TEX26: variants seen among roughly 807,000 people sequenced by gnomAD.
TEX26 encodes testis expressed 26.
TEX26 carries 34 observed loss-of-function variants against 35.3 expected under a neutral mutation model. That is an observed-to-expected ratio of 0.96 (90% CI 0.73 to 1.28). The LOEUF is 1.28. Ranked by LOEUF, TEX26 falls within the 50% of genes most tolerant of loss-of-function variation. TEX26 has a pLI of 0.00. For missense variants in TEX26, 371 were observed against 330.1 expected, an observed-to-expected ratio of 1.12 and a Z score of -0.96; for synonymous variants, 136 against 111.8, an observed-to-expected ratio of 1.22 and a Z score of -1.36.
chr13:30,952,727 T>C lies in TEX26; in HGVS notation c.214T>C (p.Tyr72His), dbSNP rs937008436. The change falls in exon 3 of 7, where the codon TAT becomes CAT. Residue 72 changes from tyrosine to histidine, a missense_variant. Coordinates refer to ENST00000380473, the MANE Select transcript of TEX26 (RefSeq NM_152325.3). ...LSDPILNQTQ[Y>H]SDEYTWKSHS... ...TGATCCTATTCTCAATCAGACACAATATAGTGATGAGTACACTTGGAAATC... is the reference window on the plus strand; with the variant it reads ...TGATCCTATTCTCAATCAGACACAACATAGTGATGAGTACACTTGGAAATC... 2 of 1,612,682 alleles carry C rather than the reference T, an allele frequency of 1.2e-6. No homozygotes were observed. Among genetic ancestry groups the C allele is most frequent in the Non-Finnish European group, 8.5e-7 (1 of 1,179,286 alleles).
chr13:30,974,131 A>AAATATAT, intron 6 of TEX26, among the ~76,000 whole-genome samples: 1,449 of 84,344 alleles, frequency 0.017, 18 homozygotes, highest in Non-Finnish European at 0.025. Flanking sequence ...AAAAAAAAAA[A>AAATATAT]ATATATATAT....
rs772357208 is a variant in TEX26 at position 30,966,290 on chromosome 13, A to C, written c.538A>C (p.Thr180Pro). The change falls in exon 5 of 7, where the codon ACT becomes CCT. Residue 180 changes from threonine (T) to proline (P), a missense_variant. Physicochemically the swap from Thr to Pro is conservative, Grantham distance 38 (BLOSUM62 -1). Transcript: ENST00000380473. The stretch of plus-strand genomic sequence containing the variant: ...AAAGTTACTTCCCCAACCTCCAGAC[A>C]CTGAATTCCGAAGGAATTACCAAAT... ...WKKLLPQPPD[T>P]EFRRNYQIPA... 44 of 1,614,080 alleles carry C rather than the reference A, an allele frequency of 2.7e-5. 1 individual carries two copies. The highest frequency in any genetic ancestry group is 2.9e-5 in the Non-Finnish European group (34 of 1,180,028).
At chr13:30,953,256 T>TATTTTAC (rs1156352015) in intron 3 of TEX26, among the ~76,000 whole-genome samples, 1 of 152,326 alleles carries the variant, frequency 6.6e-6, no homozygotes, top group East Asian at 1.9e-4. Context: ...CTTTTGTGGA[T>TATTTTAC]ATTTTACATG....
At position 30,975,252 on chromosome 13, in the gene TEX26, A is replaced by G. The variant is rs1247017990; in HGVS notation, c.*345A>G. The stretch of plus-strand genomic sequence containing the variant: ...TAATGTCCCATTAATCAGAGACTTA[A>G]GAAATCATTTTATTGCCTTATCTCT... On this transcript the variant is annotated 3_prime_UTR_variant, in exon 7 of 7. Transcript: ENST00000380473. 1 of 163,230 alleles carries G rather than the reference A, an allele frequency of 6.1e-6. No homozygotes were observed. The highest frequency in any genetic ancestry group is 2.4e-5 in the African/African-American group (1 of 41,962). The allele number at this position is 163,230 out of a possible 1,614,324, so 10.1% of individuals were successfully genotyped here.
At chr13:30,974,654 T>A (rs1326024988) in intron 6 of TEX26, among the ~76,000 whole-genome samples, 192 bp from the exon 7 acceptor site, 1 of 152,254 alleles carries the variant, frequency 6.6e-6, no homozygotes, top group Non-Finnish European at 1.5e-5. Flanking sequence ...TTAAGTTTAC[T>A]CTTCTTAATC....
rs1953282533 is a variant in TEX26 at position 30,936,637 on chromosome 13, C to G, written c.62-3057C>G. 9 of 967,260 alleles carry G rather than the reference C, an allele frequency of 9.3e-6. No individual in the cohort carries two copies. The South Asian group carries it at 4.3e-4, about 46-fold the overall frequency. The allele number at this position is 967,260 out of a possible 1,614,324, so 59.9% of individuals were successfully genotyped here. ...AAACTTGTGCTCATAGGATACATAGCTCATCTCTTGGCCTGTGAGTTCTCC... is the reference window on the plus strand; with the variant it reads ...AAACTTGTGCTCATAGGATACATAGGTCATCTCTTGGCCTGTGAGTTCTCC... On this transcript the variant is annotated intron_variant, in intron 1 of 6. Coordinates refer to ENST00000380473, the MANE Select transcript of TEX26 (RefSeq NM_152325.3).
At chr13:30,942,981 T>C (rs1404234348) in intron 2 of TEX26, among the ~76,000 whole-genome samples, 1 of 152,168 alleles carries the variant, frequency 6.6e-6, no homozygotes, top group Admixed American at 6.5e-5. Flanking sequence ...GGCTCTCTTT[T>C]GGTTCTGTAT....
intron 4 of TEX26, among the ~76,000 whole-genome samples, chr13:30,960,322 AGC>A (rs1397175489): frequency 6.6e-5 from 10 of 152,298 alleles, no homozygotes; most frequent in African/African-American, 1.9e-4. Flanking sequence ...GGCTCACTGC[AGC>A]CTCTGCCTCC....
chr13:30,956,887 G>A lies in TEX26; in HGVS notation c.327G>A (p.Trp109Ter), dbSNP rs1422050574. 2 of 1,614,026 alleles carry A rather than the reference G, an allele frequency of 1.2e-6. No homozygotes were observed. ...KSHLNEDIFLWTLPHCQQTGT... is the reference protein window; with the variant it reads ...KSHLNEDIFL ...TGCTTTGATAGGACATTTTCCTGTG[G>A]ACACTACCTCACTGTCAACAAACGG... is the stretch of plus-strand genomic sequence containing the variant. The change falls in exon 4 of 7, where the codon TGG (tryptophan) becomes TGA (stop). Residue 109 changes from tryptophan to a stop codon, truncating the protein, a stop_gained. Coordinates refer to ENST00000380473, the MANE Select transcript of TEX26 (RefSeq NM_152325.3). LOFTEE classifies it high-confidence loss of function.
At chr13:30,974,131 A>AAAAAAAATATATATATATAT in intron 6 of TEX26, among the ~76,000 whole-genome samples, 2 of 84,430 alleles carry the variant, frequency 2.4e-5, no homozygotes, top group African/African-American at 9.5e-5. Context: ...AAAAAAAAAA[A>AAAAAAAATATATATATATAT]ATATATATAT....
intron 3 of TEX26, among the ~76,000 whole-genome samples, chr13:30,956,428 G>C (rs1461977375): frequency 1.3e-5 from 2 of 152,058 alleles, no homozygotes; most frequent in East Asian, 3.9e-4. Context: ...TTGGACATTT[G>C]GAGGTGACAA....
rs1182157019 is a variant in TEX26, at chr13:30,956,927, T to C, written c.367T>C (p.Cys123Arg). The C allele has an allele frequency of 6.2e-7, 1 of 1,614,170 alleles. No homozygotes were observed. Residue 123 changes from cysteine to arginine, a missense_variant, in exon 4 of 7, where the codon TGC becomes CGC. Physicochemically the swap from Cys to Arg is radical, Grantham distance 180 (BLOSUM62 -3). Coordinates refer to ENST00000380473, the MANE Select transcript of TEX26 (RefSeq NM_152325.3). The part of the protein sequence containing the change: ...HCQQTGTLKN[C>R]LPWKIPASMK... The stretch of plus-strand genomic sequence containing the variant: ...TCAACAAACGGGGACACTAAAGAAC[T>C]GCCTCCCTTGGAAAATCCCGGCTTC...
chr13:30,939,609 TGCAAA>T, intron 1 of TEX26, 80 bp from the exon 2 acceptor site: 3 of 1,277,004 alleles, frequency 2.3e-6, no homozygotes, highest in Admixed American at 3.8e-5. Context: ...TTTTTTCTCT[TGCAAA>T]ATTATCTTAA....
chr13:30,970,056 G>T (rs918686813), intron 6 of TEX26, among the ~76,000 whole-genome samples: 1 of 152,020 alleles, frequency 6.6e-6, no homozygotes, highest in Non-Finnish European at 1.5e-5. Flanking sequence ...GCCACAATCA[G>T]AAGAGCTTGC....
chr13:30,935,007 G>T (rs1023756621), intron 1 of TEX26, among the ~76,000 whole-genome samples: 3 of 152,204 alleles, frequency 2.0e-5, no homozygotes, highest in Non-Finnish European at 4.4e-5. Flanking sequence ...AGCTGCAGCT[G>T]CCCTCCCAGG....
At chr13:30,967,868 C>A (rs1036373935) in intron 5 of TEX26, among the ~76,000 whole-genome samples, 3 of 152,188 alleles carry the variant, frequency 2.0e-5, no homozygotes, top group Admixed American at 2.0e-4. Flanking sequence ...TCCAAATGGA[C>A]AATGAGCGAT....
At chr13:30,961,106 G>A (rs1954323442) in intron 4 of TEX26, among the ~76,000 whole-genome samples, 2 of 152,204 alleles carry the variant, frequency 1.3e-5, no homozygotes, top group Non-Finnish European at 2.9e-5. Flanking sequence ...TCTGAGAGCA[G>A]GAGTGGAGAA....
At position 30,952,729 on chromosome 13, in the gene TEX26, T is replaced by C; in HGVS notation, c.216T>C (p.Tyr72=). 1.2e-6 allele frequency: 2 copies of C among 1,612,842 alleles called. No individual in the cohort carries two copies. The highest frequency in any genetic ancestry group is 1.7e-6 in the Non-Finnish European group (2 of 1,179,266). The part of the protein sequence containing the change: ...LSDPILNQTQ[Y]SDEYTWKSHS... ...ATCCTATTCTCAATCAGACACAATATAGTGATGAGTACACTTGGAAATCAC... is the reference window on the plus strand; with the variant it reads ...ATCCTATTCTCAATCAGACACAATACAGTGATGAGTACACTTGGAAATCAC... The change falls in exon 3 of 7, where the codon TAT becomes TAC. Residue 72 remains tyrosine, a synonymous_variant. Coordinates refer to ENST00000380473, the MANE Select transcript of TEX26 (RefSeq NM_152325.3).
At chr13:30,934,056 A>G (rs924780300) in intron 1 of TEX26, among the ~76,000 whole-genome samples, 2 of 152,172 alleles carry the variant, frequency 1.3e-5, no homozygotes, top group Admixed American at 1.3e-4. Flanking sequence ...AGGGCCTCCA[A>G]CTTGACATGT....
Sources: gnomAD v4.1 joint callset for allele counts (sites outside exome capture counted in the v4.1 genomes callset) on GRCh38, gnomAD v4.1.1 for gene constraint, MANE v1.5 for transcripts, NCBI Gene and HGNC (gene_info 2026-07-23, HGNC 2026-07-21) for gene names.